Variants in SLC10A7 observed in about 807,000 individuals in gnomAD.
The protein encoded by SLC10A7 is sodium/bile acid cotransporter 7.
SLC10A7 carries 29 observed loss-of-function variants against 43.2 expected under a neutral mutation model. That is an observed-to-expected ratio of 0.67 (90% CI 0.50 to 0.92). The LOEUF is 0.92. Among genes scored for constraint, SLC10A7 ranks in the 40% least tolerant of loss-of-function variants. The probability of loss-of-function intolerance (pLI) is 0.00; values close to 1 mark genes in which losing one functional copy is unlikely to be tolerated. For missense variants in SLC10A7, 295 were observed against 403.2 expected, an observed-to-expected ratio of 0.73 and a Z score of 2.30; for synonymous variants, 152 against 144.8, an observed-to-expected ratio of 1.05 and a Z score of -0.35.
intron 4 of SLC10A7, among the ~76,000 whole-genome samples, chr4:146,494,435 C>T (rs768601517): frequency 4.6e-5 from 7 of 152,130 alleles, no homozygotes; most frequent in African/African-American, 7.2e-5. Context: ...ACAGTCAAAC[C>T]CAAAGATGGG....
At chr4:146,399,134 C>G (rs1739040785) in intron 5 of SLC10A7, among the ~76,000 whole-genome samples, 1 of 152,170 alleles carries the variant, frequency 6.6e-6, no homozygotes, top group Non-Finnish European at 1.5e-5. Context: ...AGGAGCAAAT[C>G]TAGTGAAGAT....
At chr4:146,324,980 A>G (rs989671154) in intron 6 of SLC10A7, among the ~76,000 whole-genome samples, 1 of 152,200 alleles carries the variant, frequency 6.6e-6, no homozygotes, top group Non-Finnish European at 1.5e-5. Flanking sequence ...GTGGAATCCA[A>G]CTGTTTAGTA....
At chr4:146,409,578 C>G (rs1251896354) in intron 5 of SLC10A7, among the ~76,000 whole-genome samples, 1 of 152,022 alleles carries the variant, frequency 6.6e-6, no homozygotes, top group Non-Finnish European at 1.5e-5. Context: ...TCAAAACTTA[C>G]AGAACTGTAT....
At chr4:146,485,749 A>G (rs1308237977) in intron 4 of SLC10A7, among the ~76,000 whole-genome samples, 2 of 152,232 alleles carry the variant, frequency 1.3e-5, no homozygotes, top group South Asian at 4.1e-4. Flanking sequence ...GATGACAGTC[A>G]TAAGGATGAT....
At chr4:146,275,867 G>T (rs1729173004) in intron 10 of SLC10A7, among the ~76,000 whole-genome samples, 2 of 151,508 alleles carry the variant, frequency 1.3e-5, no homozygotes, top group South Asian at 4.2e-4. Context: ...GGCAGTCTCA[G>T]CTTGGACCTT....
intron 4 of SLC10A7, among the ~76,000 whole-genome samples, chr4:146,494,290 T>C (rs1182997512): frequency 6.6e-6 from 1 of 152,192 alleles, no homozygotes; most frequent in Non-Finnish European, 1.5e-5. Flanking sequence ...ATGCTTTGAT[T>C]CCAAGGCAGG....
intron 5 of SLC10A7, among the ~76,000 whole-genome samples, chr4:146,378,147 AG>A (rs1312633116): frequency 9.8e-5 from 15 of 152,322 alleles, no homozygotes; most frequent in East Asian, 3.9e-4. Flanking sequence ...CATGAGGTCT[AG>A]TGATGACAAC....
intron 5 of SLC10A7, among the ~76,000 whole-genome samples, chr4:146,331,020 A>T (rs1456696767): frequency 6.6e-6 from 1 of 152,130 alleles, no homozygotes; most frequent in Non-Finnish European, 1.5e-5. Flanking sequence ...TGCCTTCTTC[A>T]GCTATTTCCT....
chr4:146,405,442 C>A (rs904874678), intron 5 of SLC10A7, among the ~76,000 whole-genome samples: 22 of 151,976 alleles, frequency 1.4e-4, no homozygotes, highest in African/African-American at 4.8e-4. Context: ...CTAATGAAGT[C>A]AGAGAAATGA....
chr4:146,411,282 G>C (rs1046548872), intron 5 of SLC10A7, among the ~76,000 whole-genome samples: 5 of 152,100 alleles, frequency 3.3e-5, no homozygotes, highest in African/African-American at 1.2e-4. Context: ...GTGCCCTATA[G>C]CAAAGTCAGC....
At chr4:146,409,980 T>C (rs1728063899) in intron 5 of SLC10A7, among the ~76,000 whole-genome samples, 1 of 152,204 alleles carries the variant, frequency 6.6e-6, no homozygotes, top group Non-Finnish European at 1.5e-5. Context: ...GAGACACACA[T>C]GATATATTCA....
chr4:146,442,039 A>G, intron 5 of SLC10A7: 1 of 977,566 alleles, frequency 1.0e-6, no homozygotes, highest in Non-Finnish European at 1.2e-6. Flanking sequence ...AAAAAATACA[A>G]TATGATAATT....
chr4:146,256,643 T>C, intron 11 of SLC10A7, 123 bp from the exon 12 acceptor site: 5 of 1,133,294 alleles, frequency 4.4e-6, no homozygotes, highest in Non-Finnish European at 6.6e-6. Flanking sequence ...TGGCATCATA[T>C]AACCAATAAT....
At chr4:146,261,073 G>A (rs913983145) in intron 10 of SLC10A7, among the ~76,000 whole-genome samples, 5 of 152,170 alleles carry the variant, frequency 3.3e-5, no homozygotes, top group South Asian at 4.1e-4. Flanking sequence ...GTTCTCTTCC[G>A]GCCATTGCTG....
intron 4 of SLC10A7, among the ~76,000 whole-genome samples, chr4:146,494,279 C>T (rs148085576): frequency 6.6e-6 from 1 of 152,318 alleles, no homozygotes; most frequent in Non-Finnish European, 1.5e-5. Flanking sequence ...GAATTAAGCA[C>T]ATGCTTTGAT....
chr4:146,409,863 T>C (rs1169540415), intron 5 of SLC10A7, among the ~76,000 whole-genome samples: 2 of 152,162 alleles, frequency 1.3e-5, no homozygotes, highest in Non-Finnish European at 2.9e-5. Context: ...AGCAAATTAT[T>C]TGGCTTAATT....
intron 5 of SLC10A7, among the ~76,000 whole-genome samples, chr4:146,420,390 A>C (rs1350612842): frequency 6.6e-6 from 1 of 152,160 alleles, no homozygotes; most frequent in East Asian, 1.9e-4. Flanking sequence ...AATATTCCAG[A>C]AGCTTTCATG....
intron 9 of SLC10A7, among the ~76,000 whole-genome samples, chr4:146,286,510 G>A: frequency 3.3e-5 from 5 of 151,864 alleles, no homozygotes; most frequent in South Asian, 4.2e-4. Context: ...GAAGGACTGT[G>A]TTTGGAGTGG....
At chr4:146,256,599 T>G in intron 11 of SLC10A7, 79 bp from the exon 12 acceptor site, 2 of 1,476,904 alleles carry the variant, frequency 1.4e-6, no homozygotes, top group Non-Finnish European at 1.9e-6. Flanking sequence ...CCAGATAATT[T>G]ATGCTATTAG....
Sources: allele counts gnomAD v4.1 joint callset (sites outside exome capture counted in the v4.1 genomes callset), GRCh38; gene constraint gnomAD v4.1.1; transcripts MANE v1.5; gene names NCBI Gene and HGNC (gene_info 2026-07-23, HGNC 2026-07-21).